The following BRINP3 variants were observed in gnomAD, a reference collection of about 807,000 sequenced individuals.
BRINP3 encodes the protein BMP/retinoic acid inducible neural specific 3.
In BRINP3, 19 loss-of-function variants were observed where a neutral mutation model predicts 71.0. The ratio of observed to expected loss-of-function variants is 0.27; its 90% CI spans 0.19 to 0.39. The LOEUF (loss-of-function observed/expected upper bound fraction) is 0.39. BRINP3 is among the 10% of genes least tolerant of loss of function. The pLI, the probability that BRINP3 is intolerant of heterozygous loss-of-function variation, is 1.00. For synonymous variants in BRINP3, 380 were observed against 337.7 expected, an observed-to-expected ratio of 1.13 and a Z score of -1.37; for missense variants, 959 against 940.8, an observed-to-expected ratio of 1.02 and a Z score of -0.25.
intron 2 of BRINP3, among the ~76,000 whole-genome samples, chr1:190,413,517 G>A (rs933260541): frequency 1.3e-5 from 2 of 152,134 alleles, no homozygotes; most frequent in East Asian, 3.9e-4. Context: ...TACTTAGACA[G>A]CCAGACAGAA....
chr1:190,284,833 T>A (rs574035690), intron 2 of BRINP3, among the ~76,000 whole-genome samples: 2 of 152,160 alleles, frequency 1.3e-5, no homozygotes, highest in Non-Finnish European at 1.5e-5. Context: ...ACTAAATAAT[T>A]ATAGTTATTG....
chr1:190,166,348 A>C (rs987589891), intron 6 of BRINP3, among the ~76,000 whole-genome samples: 2 of 152,154 alleles, frequency 1.3e-5, no homozygotes, highest in African/African-American at 4.8e-5. Flanking sequence ...AAGATGCATC[A>C]TGTTTTATAT....
In BRINP3 at chr1:190,160,656, C is replaced by A; in HGVS notation, c.1184+12G>T. On this transcript the variant is annotated intron_variant, in intron 7 of 7. Transcript: ENST00000367462. ...ATAAACTTAATTGCTTACATTACCA[C>A]AAATGTCTTACCTTTGTCTTGGCAG... The A allele has an allele frequency of 6.2e-7, 1 of 1,604,518 alleles. No individual in the cohort carries two copies. Among genetic ancestry groups the A allele is most frequent in the Admixed American group, 1.7e-5 (1 of 58,156 alleles).
At chr1:190,236,658 A>G (rs1291324942) in intron 4 of BRINP3, among the ~76,000 whole-genome samples, 2 of 151,924 alleles carry the variant, frequency 1.3e-5, no homozygotes, top group Non-Finnish European at 2.9e-5. Context: ...ATTCCCCACT[A>G]CTGATACTGA....
intron 7 of BRINP3, among the ~76,000 whole-genome samples, chr1:190,127,704 A>T (rs939390825): frequency 6.6e-6 from 1 of 151,852 alleles, no homozygotes; most frequent in Non-Finnish European, 1.5e-5. Flanking sequence ...AAGATTGCAC[A>T]TTTCAGTTTG....
intron 6 of BRINP3, among the ~76,000 whole-genome samples, chr1:190,180,191 C>G (rs116069776): frequency 6.6e-6 from 1 of 152,028 alleles, no homozygotes; most frequent in Non-Finnish European, 1.5e-5. Context: ...ATCTAATGGG[C>G]CTAAATCCTA....
At chr1:190,171,161 A>T (rs1446219000) in intron 6 of BRINP3, among the ~76,000 whole-genome samples, 3 of 152,164 alleles carry the variant, frequency 2.0e-5, no homozygotes, top group African/African-American at 7.2e-5. Flanking sequence ...CTAAGCGGTC[A>T]GTGTGGTTGA....
chr1:190,105,920 A>C (rs1312058626), intron 7 of BRINP3, among the ~76,000 whole-genome samples: 2 of 152,030 alleles, frequency 1.3e-5, no homozygotes, highest in African/African-American at 4.8e-5. Flanking sequence ...TCTGGAAGTA[A>C]AAAAATTACC....
intron 2 of BRINP3, among the ~76,000 whole-genome samples, chr1:190,420,674 G>A (rs928452289): frequency 4.6e-5 from 7 of 151,868 alleles, no homozygotes; most frequent in African/African-American, 1.4e-4. Flanking sequence ...GAAAATTGTA[G>A]TCTTCAAACT....
intron 2 of BRINP3, among the ~76,000 whole-genome samples, chr1:190,314,999 A>G (rs1272948228): frequency 1.3e-5 from 2 of 152,244 alleles, no homozygotes; most frequent in East Asian, 1.9e-4. Context: ...CAGATAAGTG[A>G]CATAAGGTAT....
At chr1:190,166,133 G>T (rs898787838) in intron 6 of BRINP3, among the ~76,000 whole-genome samples, 3 of 152,066 alleles carry the variant, frequency 2.0e-5, no homozygotes, top group African/African-American at 4.8e-5. Flanking sequence ...TAAGCCATGG[G>T]TATAGAGTTT....
At chr1:190,312,125 T>C (rs890143217) in intron 2 of BRINP3, among the ~76,000 whole-genome samples, 8 of 144,470 alleles carry the variant, frequency 5.5e-5, no homozygotes, top group South Asian at 2.2e-4. Context: ...AATTAAAGTA[T>C]ATTTATATTG....
intron 4 of BRINP3, among the ~76,000 whole-genome samples, chr1:190,241,671 T>C (rs1345295670): frequency 6.6e-6 from 1 of 152,052 alleles, no homozygotes; most frequent in Non-Finnish European, 1.5e-5. Context: ...TATTAATGCT[T>C]TGAAATATAA....
chr1:190,427,866 T>TG (rs1182156059), intron 2 of BRINP3, among the ~76,000 whole-genome samples: 2 of 151,700 alleles, frequency 1.3e-5, no homozygotes, highest in African/African-American at 4.8e-5. Context: ...CATTAGGTTT[T>TG]TTTTTTTTTT....
At chr1:190,218,037 A>G (rs898394253) in intron 6 of BRINP3, among the ~76,000 whole-genome samples, 7 of 152,024 alleles carry the variant, frequency 4.6e-5, no homozygotes, top group African/African-American at 7.2e-5. Flanking sequence ...CCAAAGTGCT[A>G]ATTTTTTATT....
At chr1:190,176,122 A>T (rs1386134580) in intron 6 of BRINP3, among the ~76,000 whole-genome samples, 1 of 152,202 alleles carries the variant, frequency 6.6e-6, no homozygotes, top group East Asian at 1.9e-4. Flanking sequence ...AAACAATAAA[A>T]GAGTATAATA....
chr1:190,230,166 ATTTGTGTT>A (rs1424812936), intron 5 of BRINP3, among the ~76,000 whole-genome samples: 1 of 151,986 alleles, frequency 6.6e-6, no homozygotes, highest in Non-Finnish European at 1.5e-5. Flanking sequence ...AGCATAAAAG[ATTTGTGTT>A]ATGATGGAAA....
At chr1:190,294,166 G>C (rs1399930840) in intron 2 of BRINP3, among the ~76,000 whole-genome samples, 1 of 151,328 alleles carries the variant, frequency 6.6e-6, no homozygotes, top group African/African-American at 2.4e-5. Flanking sequence ...AATTCCTTAA[G>C]TTTTACTTTT....
At chr1:190,289,125 A>C (rs913466208) in intron 2 of BRINP3, among the ~76,000 whole-genome samples, 17 of 152,056 alleles carry the variant, frequency 1.1e-4, no homozygotes, top group Middle Eastern at 3.4e-3. Context: ...AGTTACATGA[A>C]GTAAGAAGGC....
Sources: allele counts gnomAD v4.1 joint callset (sites outside exome capture counted in the v4.1 genomes callset), GRCh38; gene constraint gnomAD v4.1.1; transcripts MANE v1.5; gene names NCBI Gene and HGNC (gene_info 2026-07-23, HGNC 2026-07-21).